Variants in STAG1 observed in about 807,000 individuals in gnomAD.
The protein encoded by STAG1 is STAG1 cohesin complex component.
STAG1 carries 26 observed loss-of-function variants against 170.9 expected under a neutral mutation model. The ratio of observed to expected loss-of-function variants is 0.15; its 90% confidence interval spans 0.11 to 0.21. The LOEUF is 0.21. Among genes scored for constraint, STAG1 ranks in the 10% least tolerant of loss-of-function variants. STAG1 has a pLI of 1.00. For synonymous variants in STAG1, 514 were observed against 497.7 expected (o/e 1.03, Z -0.44); for missense variants, 964 against 1,509.5 (o/e 0.64, Z 5.99).
At chr3:136,703,532 T>C (rs566542100) in intron 1 of STAG1, among the ~76,000 whole-genome samples, 2 of 152,248 alleles carry the variant, frequency 1.3e-5, no homozygotes, top group Non-Finnish European at 2.9e-5. Context: ...TCAGTAAACA[T>C]AAAACACAGA....
intron 10 of STAG1, among the ~76,000 whole-genome samples, chr3:136,475,171 A>T (rs1380053054): frequency 2.8e-5 from 3 of 106,202 alleles, no homozygotes; most frequent in African/African-American, 7.5e-5. Flanking sequence ...TTTGAGGCAG[A>T]GTCTTGCTCT....
intron 12 of STAG1, among the ~76,000 whole-genome samples, chr3:136,469,271 G>A (rs2089557598): frequency 6.6e-6 from 1 of 152,132 alleles, no homozygotes; most frequent in African/African-American, 2.4e-5. Context: ...AAGCTGATAA[G>A]CAACTTCAGC....
At chr3:136,723,685 A>G (rs1348602578) in intron 1 of STAG1, among the ~76,000 whole-genome samples, 154 of 111,340 alleles carry the variant, frequency 1.4e-3, no homozygotes, top group African/African-American at 3.0e-3. Context: ...CCGGCCAGCC[A>G]CCCCGTCTGG....
chr3:136,394,743 G>A (rs1260999868), intron 22 of STAG1, among the ~76,000 whole-genome samples: 1 of 151,804 alleles, frequency 6.6e-6, no homozygotes, highest in East Asian at 1.9e-4. Flanking sequence ...ACCTGAGGTT[G>A]GGAGTTCGAG....
chr3:136,625,977 C>G (rs1024738466), intron 2 of STAG1, among the ~76,000 whole-genome samples: 1 of 151,696 alleles, frequency 6.6e-6, no homozygotes, highest in Non-Finnish European at 1.5e-5. Context: ...CGCTTGAACC[C>G]GGGAGATGGA....
chr3:136,457,665 T>C (rs1337772388), intron 13 of STAG1, among the ~76,000 whole-genome samples: 1 of 152,126 alleles, frequency 6.6e-6, no homozygotes, highest in Non-Finnish European at 1.5e-5. Flanking sequence ...CCAACACTAA[T>C]GTGTGACAAG....
At chr3:136,464,782 G>C (rs1406105842) in intron 13 of STAG1, 99 bp downstream of exon 13, 4 of 929,586 alleles carry the variant, frequency 4.3e-6, no homozygotes, top group Non-Finnish European at 3.2e-6. Context: ...GACATTTTCA[G>C]CACTGTGTTC....
intron 4 of STAG1, among the ~76,000 whole-genome samples, chr3:136,600,762 T>G (rs1245338296): frequency 6.6e-6 from 1 of 152,200 alleles, no homozygotes; most frequent in Non-Finnish European, 1.5e-5. Flanking sequence ...CTCAAACTCC[T>G]GACCTTCTGA....
chr3:136,642,318 C>A (rs1306070871), intron 1 of STAG1, among the ~76,000 whole-genome samples: 1 of 123,572 alleles, frequency 8.1e-6, no homozygotes, highest in Non-Finnish European at 1.6e-5. Flanking sequence ...GTCACCCAGA[C>A]TGGAGTACAG....
chr3:136,425,873 T>G (rs944982273), intron 16 of STAG1, among the ~76,000 whole-genome samples: 1 of 151,544 alleles, frequency 6.6e-6, no homozygotes, highest in Non-Finnish European at 1.5e-5. Flanking sequence ...GGATAGCATA[T>G]ACTTTAAAGA....
intron 12 of STAG1, among the ~76,000 whole-genome samples, chr3:136,471,805 G>A (rs1338096209): frequency 3.9e-5 from 6 of 151,988 alleles, no homozygotes; most frequent in Non-Finnish European, 7.4e-5. Flanking sequence ...GTCCCTTTGA[G>A]GGTTCTTCCT....
chr3:136,429,437 T>C (rs1053162157), intron 16 of STAG1, among the ~76,000 whole-genome samples: 2 of 151,960 alleles, frequency 1.3e-5, no homozygotes, highest in African/African-American at 2.4e-5. Flanking sequence ...CCAGAGGAAC[T>C]AATAGAGGAT....
At chr3:136,674,136 AAGGAAG>A (rs1942058220) in intron 1 of STAG1, among the ~76,000 whole-genome samples, 2 of 71,660 alleles carry the variant, frequency 2.8e-5, no homozygotes, top group African/African-American at 1.2e-4. Context: ...GGAGGGAGGG[AAGGAAG>A]GAGGGAGGGA....
chr3:136,714,650 C>T (rs896404866), intron 1 of STAG1, among the ~76,000 whole-genome samples: 2 of 151,986 alleles, frequency 1.3e-5, no homozygotes, highest in African/African-American at 4.8e-5. Context: ...ATGGCATGAA[C>T]CCAGGAGGCG....
At chr3:136,459,262 CAAAG>C in intron 13 of STAG1, among the ~76,000 whole-genome samples, 1 of 148,070 alleles carries the variant, frequency 6.8e-6, no homozygotes, top group South Asian at 2.2e-4. Context: ...GAAAAAAAGA[CAAAG>C]AATACCATTT....
chr3:136,523,587 T>C (rs927443192), intron 6 of STAG1, among the ~76,000 whole-genome samples: 1 of 152,216 alleles, frequency 6.6e-6, no homozygotes, highest in African/African-American at 2.4e-5. Flanking sequence ...GTGCAGAAGC[T>C]CTTTAGTTTA....
chr3:136,502,587 C>A (rs200772586), intron 8 of STAG1, 41 bp downstream of exon 8: 1 of 1,597,434 alleles, frequency 6.3e-7, no homozygotes. Flanking sequence ...ATATTCCACA[C>A]ATTTACAGAA....
intron 21 of STAG1, 139 bp from the exon 22 acceptor site, chr3:136,398,968 G>A (rs1296680911): frequency 2.4e-6 from 1 of 414,594 alleles, no homozygotes; most frequent in Non-Finnish European, 4.3e-6. Context: ...TATAATTAAT[G>A]AGAATGTATA....
chr3:136,732,601 A>G (rs1192639322), intron 1 of STAG1, among the ~76,000 whole-genome samples: 1 of 152,090 alleles, frequency 6.6e-6, no homozygotes, highest in Non-Finnish European at 1.5e-5. Flanking sequence ...TCATCTGACC[A>G]TTCTCATTAA....
Sources: gnomAD v4.1 joint callset for allele counts (sites outside exome capture counted in the v4.1 genomes callset) on GRCh38, gnomAD v4.1.1 for gene constraint, MANE v1.5 for transcripts, NCBI Gene and HGNC (gene_info 2026-07-23, HGNC 2026-07-21) for gene names.